Variants in SORBS2 observed in about 807,000 individuals in gnomAD.
The protein encoded by SORBS2 is sorbin and SH3 domain-containing protein 2.
SORBS2 carries 46 observed loss-of-function variants against 97.7 expected under a neutral mutation model. The ratio of observed to expected loss-of-function variants is 0.47; its 90% CI spans 0.37 to 0.60. SORBS2 has a LOEUF of 0.60. SORBS2 is among the 20% of genes least tolerant of loss of function. SORBS2 has a pLI of 0.00. For missense variants in SORBS2, 1,316 were observed against 1,282.3 expected, an observed-to-expected ratio of 1.03 and a Z score of -0.40; for synonymous variants, 476 against 473.4, an observed-to-expected ratio of 1.01 and a Z score of -0.07.
At chr4:185,604,048 T>A (rs1253362170) in intron 12 of SORBS2, among the ~76,000 whole-genome samples, 2 of 152,216 alleles carry the variant, frequency 1.3e-5, no homozygotes, top group Non-Finnish European at 2.9e-5. Flanking sequence ...GGCACTGAGC[T>A]AAGATACCTT....
rs2097565298 is a variant in SORBS2 at position 185,664,211 on chromosome 4, A to G, written c.-45-1969T>C. 2.6e-5 allele frequency among the ~76,000 whole-genome samples: 4 copies of G among 152,202 alleles called. No individual in the cohort carries two copies. In the South Asian group the frequency reaches 8.3e-4, roughly 32 times the overall value. ...AGGATTTTATGACTAAAATACTATC[A>G]TTAGCATTTTAGAAAATACTGTATT... is the stretch of plus-strand genomic sequence containing the variant. On this transcript the variant is annotated intron_variant, in intron 4 of 20. Transcript: ENST00000284776.
Position 185,697,608 on chromosome 4 carries a change from T to TA in SORBS2, c.-197-18787dup, listed in dbSNP as rs985661071. Among the ~76,000 whole-genome samples, 43 of 152,298 alleles carry TA rather than the reference T, an allele frequency of 2.8e-4. 1 individual carries two copies. The highest frequency in any genetic ancestry group is 1.0e-3 in the South Asian group (5 of 4,824). On this transcript the variant is annotated intron_variant, in intron 2 of 20. Transcript: ENST00000284776. ...TAAAGGTTTTGACGATTAGCTTTTT[T>TA]AAAAAAATCATTCTCTTTCCCTTTG...
intron 2 of SORBS2, among the ~76,000 whole-genome samples, chr4:185,683,227 G>GTT (rs76783528): frequency 5.2e-5 from 6 of 115,468 alleles, no homozygotes; most frequent in Non-Finnish European, 8.7e-5. Flanking sequence ...AGTGTGAAAT[G>GTT]TTTTTTTTTT....
intron 2 of SORBS2, among the ~76,000 whole-genome samples, chr4:185,682,589 A>C (rs1258009023): frequency 1.3e-5 from 2 of 152,234 alleles, no homozygotes; most frequent in Non-Finnish European, 2.9e-5. Context: ...GAAGGCAATA[A>C]ATATTTATCA....
intron 2 of SORBS2, among the ~76,000 whole-genome samples, chr4:185,750,246 T>G (rs1404542491): frequency 2.6e-5 from 4 of 152,246 alleles, no homozygotes; most frequent in African/African-American, 9.6e-5. Flanking sequence ...ATTTTTTAAG[T>G]GTTCACTGTG....
chr4:185,929,949 C>T (rs2099265647), intron 1 of SORBS2, among the ~76,000 whole-genome samples: 1 of 152,154 alleles, frequency 6.6e-6, no homozygotes, highest in South Asian at 2.1e-4. Context: ...CAAGCCTCAG[C>T]TCAGCCATGG....
intron 4 of SORBS2, among the ~76,000 whole-genome samples, chr4:185,676,371 A>C (rs958280720): frequency 6.6e-6 from 1 of 152,238 alleles, no homozygotes; most frequent in Non-Finnish European, 1.5e-5. Context: ...TCCTGTTAAC[A>C]GACTAATACA....
rs985851567 is a variant in SORBS2, at chr4:185,607,483, T to C, written c.2796+4297A>G. 2.5e-5 allele frequency: 10 copies of C among 398,484 alleles called. No individual in the cohort carries two copies. Among genetic ancestry groups the C allele is most frequent in the Non-Finnish European group, 4.4e-5 (10 of 227,872 alleles). 24.7% of individuals were successfully genotyped at this position (398,484 alleles called of 1,614,324 possible). ...TATGAAAATAATTTTATGTTTAACA[T>C]AGATTTGAAGACATTTAGAAGATAT... On this transcript the variant is annotated intron_variant, in intron 12 of 14. Coordinates refer to ENST00000418609, the Ensembl canonical transcript of SORBS2. This position sits in a 1 kb window ranked among gnomAD's most constrained non-coding sequence, Gnocchi z 5.2.
At chr4:185,865,634 A>T (rs1047320439) in intron 1 of SORBS2, among the ~76,000 whole-genome samples, 1 of 152,214 alleles carries the variant, frequency 6.6e-6, no homozygotes, top group African/African-American at 2.4e-5. Context: ...GAATGAGTTC[A>T]TCCACTCAGG....
intron 1 of SORBS2, among the ~76,000 whole-genome samples, chr4:185,781,427 G>T (rs941481129): frequency 6.6e-6 from 1 of 152,214 alleles, no homozygotes; most frequent in Admixed American, 6.5e-5. Flanking sequence ...GGCCCTGCAC[G>T]ATCTGGTGTT....
chr4:185,688,894 A>G (rs2098035205), intron 2 of SORBS2, among the ~76,000 whole-genome samples: 1 of 152,168 alleles, frequency 6.6e-6, no homozygotes, highest in African/African-American at 2.4e-5. Flanking sequence ...ATCATTATAC[A>G]TTAAGTGGAA....
At chr4:185,701,590 A>G (rs2153532963) in intron 2 of SORBS2, among the ~76,000 whole-genome samples, 1 of 152,310 alleles carries the variant, frequency 6.6e-6, no homozygotes, top group African/African-American at 2.4e-5. Context: ...CATTGATTCT[A>G]GTTAATTATG....
chr4:185,915,708 C>T (rs77462517), intron 1 of SORBS2, among the ~76,000 whole-genome samples: 1 of 152,064 alleles, frequency 6.6e-6, no homozygotes, highest in Admixed American at 6.6e-5. Context: ...TTCTGCCCCC[C>T]ACCCCCAGCA....
At chr4:185,818,292 C>T (rs958629208) in intron 1 of SORBS2, among the ~76,000 whole-genome samples, 35 of 152,056 alleles carry the variant, frequency 2.3e-4, no homozygotes, top group Admixed American at 1.3e-4. Flanking sequence ...TGGGTTCAAG[C>T]GATTCTCCTG....
chr4:185,587,553 C>T (rs546495776), exon 15 of SORBS2: 24 of 1,349,202 alleles, frequency 1.8e-5, no homozygotes, highest in Middle Eastern at 2.3e-4. Context: ...AACGGGAGGC[C>T]CGCGGGGTGT....
rs558001443 is a variant in SORBS2 at position 185,759,362 on chromosome 4, C to A, written c.-198+15865G>T. ...TACCATATGCTATCAAGTTCCATTG[C>A]CCTCTTTGTACATGTGAGGGTAAGG... On this transcript the variant is annotated intron_variant, in intron 2 of 20. Coordinates refer to the SORBS2 transcript ENST00000284776. Among the ~76,000 whole-genome samples, 3 of 152,178 alleles carry A rather than the reference C, an allele frequency of 2.0e-5. No individual in the cohort carries two copies. In the South Asian group the frequency reaches 6.2e-4, roughly 32 times the overall value.
At chr4:185,709,945 G>T (rs1025912729) in intron 2 of SORBS2, 1 of 151,626 alleles carries the variant, frequency 6.6e-6, no homozygotes, top group Non-Finnish European at 1.5e-5. Context: ...ATTGACTAAG[G>T]TGACTCACTC....
At chr4:185,782,781 G>A (rs1457678521) in intron 1 of SORBS2, among the ~76,000 whole-genome samples, 1 of 151,874 alleles carries the variant, frequency 6.6e-6, no homozygotes, top group Non-Finnish European at 1.5e-5. Context: ...GGAGAGATAA[G>A]GAGAGTTTTG....
chr4:185,747,835 C>T (rs903101912), intron 2 of SORBS2, among the ~76,000 whole-genome samples: 15 of 152,122 alleles, frequency 9.9e-5, no homozygotes, highest in Admixed American at 2.0e-4. Flanking sequence ...ACCGAAAATA[C>T]AAAAAATTAG....
Sources: allele counts gnomAD v4.1 joint callset (sites outside exome capture counted in the v4.1 genomes callset), GRCh38; gene constraint gnomAD v4.1.1; non-coding constraint Gnocchi (gnomAD v3.1); transcripts MANE v1.5; gene names NCBI Gene and HGNC (gene_info 2026-07-23, HGNC 2026-07-21).